PTPRD: variants seen among roughly 807,000 people sequenced by gnomAD.
PTPRD encodes receptor-type tyrosine-protein phosphatase delta.
In PTPRD, 34 loss-of-function variants were observed where a neutral mutation model predicts 214.5. The observed-to-expected ratio is 0.16, with a 90% CI of 0.12 to 0.21. The LOEUF is 0.21. PTPRD is among the 10% of genes least tolerant of loss of function. The probability of loss-of-function intolerance (pLI) is 1.00; values close to 1 mark genes in which losing one functional copy is unlikely to be tolerated. For missense variants in PTPRD, 2,545 were observed against 2,398.7 expected (o/e 1.06, Z -1.27); for synonymous variants, 1,128 against 845.7 (o/e 1.33, Z -5.79).
intron 2 of PTPRD, among the ~76,000 whole-genome samples, chr9:10,509,941 GGTTCACTCTA>G (rs1359156444): frequency 6.6e-6 from 1 of 151,842 alleles, no homozygotes; most frequent in Non-Finnish European, 1.5e-5. Context: ...AGCATCACGA[GGTTCACTCTA>G]GTATTCCTAT....
chr9:10,196,661 T>A (rs2099399483), intron 3 of PTPRD, among the ~76,000 whole-genome samples: 1 of 152,170 alleles, frequency 6.6e-6, no homozygotes, highest in South Asian at 2.1e-4. Flanking sequence ...AATTCAACCC[T>A]ACAGTCTGAA....
intron 5 of PTPRD, among the ~76,000 whole-genome samples, chr9:9,924,866 G>C (rs1210380907): frequency 6.6e-6 from 1 of 152,050 alleles, no homozygotes; most frequent in African/African-American, 2.4e-5. Flanking sequence ...AGTAATGTTA[G>C]AATATGTTTG....
chr9:9,714,512 TA>T (rs34824716), intron 7 of PTPRD, among the ~76,000 whole-genome samples: 109,651 of 152,104 alleles, frequency 0.72, 40,318 homozygotes, highest in Middle Eastern at 0.86. Context: ...TTTAAATCAG[TA>T]AGAATATTGA....
chr9:8,892,035 C>T (rs1342639277), intron 11 of PTPRD, among the ~76,000 whole-genome samples: 2 of 152,156 alleles, frequency 1.3e-5, no homozygotes, highest in Non-Finnish European at 2.9e-5. Flanking sequence ...TCTACTCCCT[C>T]CCTTCCTGCT....
intron 5 of PTPRD, among the ~76,000 whole-genome samples, chr9:9,828,515 A>G (rs2053744836): frequency 6.6e-6 from 1 of 152,094 alleles, no homozygotes; most frequent in Non-Finnish European, 1.5e-5. Flanking sequence ...GTGTGGGGAG[A>G]GGGGAGGGAT....
At chr9:9,937,161 C>G (rs1010308684) in intron 5 of PTPRD, among the ~76,000 whole-genome samples, 3 of 151,670 alleles carry the variant, frequency 2.0e-5, no homozygotes, top group Non-Finnish European at 2.9e-5. Flanking sequence ...ACCAGCATGG[C>G]ACATGTATAC....
chr9:10,558,733 A>G (rs1414663049), intron 2 of PTPRD, among the ~76,000 whole-genome samples: 1 of 152,120 alleles, frequency 6.6e-6, no homozygotes, highest in Non-Finnish European at 1.5e-5. Context: ...ACATAGTACA[A>G]CCTTTACAAG....
At chr9:10,335,625 GA>G in intron 3 of PTPRD, among the ~76,000 whole-genome samples, 1 of 151,554 alleles carries the variant, frequency 6.6e-6, no homozygotes, top group Admixed American at 6.6e-5. Context: ...AATTCCAGCT[GA>G]AAAAAGACAC....
intron 8 of PTPRD, among the ~76,000 whole-genome samples, chr9:9,516,268 A>C (rs1186586634): frequency 7.5e-6 from 1 of 133,152 alleles, no homozygotes; most frequent in African/African-American, 2.7e-5. Context: ...ATATTTACTT[A>C]AGCTAAAAGA....
chr9:10,026,787 A>T lies in PTPRD; in HGVS notation c.-472+6931T>A, dbSNP rs541891740. ...GGACTGGATTCCATGTATGTTATAC[A>T]TTTACAAGAATTATTTCCTCAGAAA... On this transcript the variant is annotated intron_variant, in intron 4 of 45. Transcript: ENST00000381196. 6.6e-5 allele frequency among the ~76,000 whole-genome samples: 10 copies of T among 152,138 alleles called. No homozygotes were observed. The South Asian group carries it at 2.1e-3, about 32-fold the overall frequency.
At chr9:8,449,676 C>T (rs773255951) in intron 34 of PTPRD, 49 bp downstream of exon 34, 1 of 1,549,512 alleles carries the variant, frequency 6.5e-7, no homozygotes, top group Non-Finnish European at 8.9e-7. Context: ...TTGAGCTGTA[C>T]AACTTCTGGG....
At chr9:10,574,391 A>G (rs2068480664) in intron 2 of PTPRD, among the ~76,000 whole-genome samples, 1 of 152,184 alleles carries the variant, frequency 6.6e-6, no homozygotes, top group Admixed American at 6.5e-5. Flanking sequence ...ATGAAGCAGC[A>G]TAGTATATTG....
At chr9:9,840,444 T>G (rs765521017) in intron 5 of PTPRD, among the ~76,000 whole-genome samples, 6 of 152,040 alleles carry the variant, frequency 3.9e-5, no homozygotes, top group Non-Finnish European at 7.4e-5. Context: ...TTTCAGAGGG[T>G]ATAAAACAAA....
chr9:8,333,939 G>A (rs949153798), intron 43 of PTPRD, among the ~76,000 whole-genome samples: 3 of 151,986 alleles, frequency 2.0e-5, no homozygotes, highest in South Asian at 2.1e-4. Flanking sequence ...GACAAAGAAG[G>A]CCATTACATA....
At chr9:9,120,247 C>T (rs1205882340) in intron 10 of PTPRD, among the ~76,000 whole-genome samples, 1 of 152,198 alleles carries the variant, frequency 6.6e-6, no homozygotes, top group African/African-American at 2.4e-5. Context: ...AGAAAGATGT[C>T]ATTTAAGTGC....
intron 8 of PTPRD, among the ~76,000 whole-genome samples, chr9:9,520,784 G>A (rs906866968): frequency 6.6e-6 from 1 of 152,140 alleles, no homozygotes; most frequent in African/African-American, 2.4e-5. Flanking sequence ...TTACAGAACT[G>A]TGGGATTTCA....
intron 4 of PTPRD, among the ~76,000 whole-genome samples, chr9:9,969,901 C>G (rs1357485622): frequency 6.6e-6 from 1 of 152,110 alleles, no homozygotes; most frequent in African/African-American, 2.4e-5. Flanking sequence ...TTCTCCTGGC[C>G]TCTGGCATTT....
At chr9:8,461,248 T>C (rs1488883672) in intron 32 of PTPRD, among the ~76,000 whole-genome samples, 4 of 152,206 alleles carry the variant, frequency 2.6e-5, no homozygotes, top group East Asian at 3.9e-4. Context: ...TTATAAAATA[T>C]AGAATTTTTA....
At chr9:8,358,573 C>G (rs577573327) in intron 39 of PTPRD, among the ~76,000 whole-genome samples, 1 of 152,116 alleles carries the variant, frequency 6.6e-6, no homozygotes, top group East Asian at 1.9e-4. Flanking sequence ...AACCTATTTC[C>G]TAAGTTTTCT....
Sources: gnomAD v4.1 joint callset for allele counts (sites outside exome capture counted in the v4.1 genomes callset) on GRCh38, gnomAD v4.1.1 for gene constraint, MANE v1.5 for transcripts, NCBI Gene and HGNC (gene_info 2026-07-23, HGNC 2026-07-21) for gene names.